Variants in ZNF571 observed in about 807,000 individuals in gnomAD.
The protein encoded by ZNF571 is zinc finger protein 571.
Under a neutral mutation model 7.7 loss-of-function variants are expected in ZNF571, and 4 were observed. That is an observed-to-expected ratio of 0.52 (90% CI 0.25 to 1.18). ZNF571 has a LOEUF of 1.18. ZNF571 is among the 50% of genes most tolerant of loss of function. The probability of loss-of-function intolerance (pLI) is 0.14; values close to 1 mark genes in which losing one functional copy is unlikely to be tolerated. For synonymous variants in ZNF571, 251 were observed against 232.4 expected, an observed-to-expected ratio of 1.08 and a Z score of -0.73; for missense variants, 704 against 726.9, an observed-to-expected ratio of 0.97 and a Z score of 0.36.
chr19:37,588,895 T>G (rs1270039617), intron 1 of ZNF571, among the ~76,000 whole-genome samples: 1 of 151,980 alleles, frequency 6.6e-6, no homozygotes, highest in Non-Finnish European at 1.5e-5. Context: ...ATATAAGATA[T>G]CTAAATATTA....
At chr19:37,566,804 A>G (rs1351852655) in intron 3 of ZNF571, among the ~76,000 whole-genome samples, 1 of 152,180 alleles carries the variant, frequency 6.6e-6, no homozygotes, top group African/African-American at 2.4e-5. Context: ...TGTGGTTTAT[A>G]TAACATGATT....
chr19:37,593,600 G>A (rs926896782), intron 1 of ZNF571, among the ~76,000 whole-genome samples: 12 of 152,152 alleles, frequency 7.9e-5, no homozygotes, highest in African/African-American at 2.9e-4. Context: ...CTACTCGGGA[G>A]GCTTAGGCAG....
chr19:37,580,559 G>A (rs1331969717), intron 3 of ZNF571, among the ~76,000 whole-genome samples: 1 of 152,172 alleles, frequency 6.6e-6, no homozygotes, highest in Non-Finnish European at 1.5e-5. Context: ...TTGAAATTTA[G>A]TCCCCAGTAT....
Position 37,564,814 on chromosome 19 carries a change from A to C in ZNF571, c.1614T>G (p.Ala538=). The change falls in exon 4 of 4, where the codon GCT becomes GCG. Residue 538 remains alanine, a synonymous_variant. Coordinates refer to ENST00000451802, the MANE Select transcript of ZNF571 (RefSeq NM_016536.5). ...CAGTAAGGTGTGAGCCACGAATAAA[A>C]GCCTTCCCACACTGTTTACATTCAT... ...KPYECKQCGK[A]FIRGSHLTEH... is the part of the protein sequence containing the mutation. The C allele has an allele frequency of 6.2e-7, 1 of 1,613,636 alleles. No individual in the cohort carries two copies. The highest frequency in any genetic ancestry group is 8.5e-7 in the Non-Finnish European group (1 of 1,179,818).
chr19:37,564,697 T>G lies in ZNF571; in HGVS notation c.1731A>C (p.Gln577His). Reference sequence around the variant, plus strand: ...AGGGTTTCTCACCAGTATGGATCCTTTGATGCAGAGTAAGTTCTGAGCCAC... The same window carrying G: ...AGGGTTTCTCACCAGTATGGATCCTGTGATGCAGAGTAAGTTCTGAGCCAC... ...FSRGSELTLH[Q>H]RIHTGEKPYT... Residue 577 changes from glutamine (Q) to histidine (H), a missense_variant, in exon 4 of 4, where the codon CAA (glutamine) becomes CAC (histidine). Coordinates refer to ENST00000451802, the MANE Select transcript of ZNF571 (RefSeq NM_016536.5). 6.2e-7 allele frequency: 1 copy of G among 1,613,532 alleles called. No individual in the cohort carries two copies. The highest frequency in any genetic ancestry group is 8.5e-7 in the Non-Finnish European group (1 of 1,179,636).
chr19:37,565,868 C>A lies in ZNF571; in HGVS notation c.560G>T (p.Arg187Ile). 2.5e-6 allele frequency: 4 copies of A among 1,613,894 alleles called. No homozygotes were observed. Among genetic ancestry groups the A allele is most frequent in the Non-Finnish European group, 3.4e-6 (4 of 1,179,882 alleles). Residue 187 changes from arginine to isoleucine, a missense_variant, in exon 4 of 4, where the codon AGA becomes ATA. Transcript: ENST00000451802. ...ATAAGGTTTCTCACCAGTCTGAATTCTCTGATGTTGAATATAGCTTGGCTT... is the reference window on the plus strand; with the variant it reads ...ATAAGGTTTCTCACCAGTCTGAATTATCTGATGTTGAATATAGCTTGGCTT... ...SKKPSYIQHQ[R>I]IQTGEKPYEC...
chr19:37,578,762 A>ACCT (rs2043338153), intron 3 of ZNF571, among the ~76,000 whole-genome samples: 1 of 151,700 alleles, frequency 6.6e-6, no homozygotes, highest in African/African-American at 2.4e-5. Context: ...CCCCTGCCCT[A>ACCT]CCTCCTCTGA....
At chr19:37,590,869 C>T (rs1402588104) in intron 1 of ZNF571, among the ~76,000 whole-genome samples, 1 of 151,996 alleles carries the variant, frequency 6.6e-6, no homozygotes, top group Non-Finnish European at 1.5e-5. Context: ...AACATAAAAA[C>T]CAAAAGAAAT....
intron 3 of ZNF571, 35 bp downstream of exon 3, chr19:37,583,936 G>A (rs1159499514): frequency 1.9e-6 from 3 of 1,556,700 alleles, no homozygotes; most frequent in African/African-American, 1.4e-5. Flanking sequence ...AAATTATGGG[G>A]AACAAATTCT....
Position 37,564,545 on chromosome 19 carries a change from T to C in ZNF571, c.*53A>G. ...GAAGCAAGATGTTCTACATTCATTA[T>C]AGATATGAAATAGATGAAGATTTTC... is the stretch of plus-strand genomic sequence containing the variant. On this transcript the variant is annotated 3_prime_UTR_variant, in exon 4 of 4. Transcript: ENST00000451802. The C allele has an allele frequency of 1.4e-6, 2 of 1,432,450 alleles. No homozygotes were observed. The highest frequency in any genetic ancestry group is 1.7e-5 in the South Asian group (1 of 57,382). 88.7% of individuals were successfully genotyped at this position (1,432,450 alleles called of 1,614,324 possible).
rs771835630 is a variant in ZNF571 at position 37,564,692 on chromosome 19, A to G, written c.1736T>C (p.Ile579Thr). ...TGTATAGGGTTTCTCACCAGTATGG[A>G]TCCTTTGATGCAGAGTAAGTTCTGA... ...RGSELTLHQR[I>T]HTGEKPYTCV... Residue 579 changes from isoleucine to threonine, a missense_variant, in exon 4 of 4, where the codon ATC becomes ACC. Coordinates refer to ENST00000451802, the MANE Select transcript of ZNF571 (RefSeq NM_016536.5). 6.2e-7 allele frequency: 1 copy of G among 1,613,550 alleles called. No individual in the cohort carries two copies.
At position 37,568,117 on chromosome 19, in the gene ZNF571, T is replaced by TG. The variant is rs142396290; in HGVS notation, c.137-1827dup. Among the ~76,000 whole-genome samples, 240 of 152,286 alleles carry TG rather than the reference T, an allele frequency of 1.6e-3. 2 individuals are homozygous for TG. In the East Asian group the frequency reaches 0.024, roughly 15 times the overall value. Reference sequence around the variant, plus strand: ...CTTTTCAAATGCAGAGAAACCTATCTGATGTAACTGGATCAGCAGGCACAG... The same window carrying TG: ...CTTTTCAAATGCAGAGAAACCTATCTGGATGTAACTGGATCAGCAGGCACAG... On this transcript the variant is annotated intron_variant, in intron 3 of 3. Transcript: ENST00000451802.
intron 3 of ZNF571, among the ~76,000 whole-genome samples, chr19:37,571,090 A>G (rs2043033894): frequency 6.6e-6 from 1 of 152,210 alleles, no homozygotes; most frequent in South Asian, 2.1e-4. Flanking sequence ...ATTCATCTGT[A>G]GCTCATACAG....
intron 3 of ZNF571, among the ~76,000 whole-genome samples, chr19:37,578,536 AGC>A (rs2043326788): frequency 6.6e-6 from 1 of 152,164 alleles, no homozygotes; most frequent in African/African-American, 2.4e-5. Flanking sequence ...CGGATCCCTG[AGC>A]AGCTTGGTGC....
chr19:37,579,310 T>A (rs2043361213), intron 3 of ZNF571, among the ~76,000 whole-genome samples: 1 of 152,158 alleles, frequency 6.6e-6, no homozygotes, highest in African/African-American at 2.4e-5. Flanking sequence ...ACTGGGGAAC[T>A]ACTTGCCCCA....
intron 3 of ZNF571, among the ~76,000 whole-genome samples, chr19:37,574,489 TA>T (rs1020786270): frequency 6.6e-6 from 1 of 152,216 alleles, no homozygotes; most frequent in African/African-American, 2.4e-5. Context: ...CCACTCTACC[TA>T]AAACTCTTAG....
At position 37,593,689 on chromosome 19, in the gene ZNF571, C is replaced by T. The variant is rs550243695; in HGVS notation, c.-70+1052G>A. 1.1e-4 allele frequency among the ~76,000 whole-genome samples: 16 copies of T among 152,058 alleles called. 1 individual carries two copies. Among genetic ancestry groups the T allele is most frequent in the South Asian group, 4.2e-4 (2 of 4,818 alleles). Reference sequence around the variant, plus strand: ...CCGCACTCCAGCCAGGGCGACACAGCGAGAATCCGTCTCAAAAAGCAAACA... The same window carrying T: ...CCGCACTCCAGCCAGGGCGACACAGTGAGAATCCGTCTCAAAAAGCAAACA... On this transcript the variant is annotated intron_variant, in intron 1 of 3. Coordinates refer to ENST00000451802, the MANE Select transcript of ZNF571 (RefSeq NM_016536.5).
At chr19:37,583,805 G>T in intron 3 of ZNF571, 166 bp downstream of exon 3, 2 of 605,384 alleles carry the variant, frequency 3.3e-6, no homozygotes, top group Non-Finnish European at 5.6e-6. Flanking sequence ...AGAGAAAGAT[G>T]TGACAGTCTA....
chr19:37,579,497 T>TTCCC (rs2043369798), intron 3 of ZNF571, among the ~76,000 whole-genome samples: 1 of 152,194 alleles, frequency 6.6e-6, no homozygotes, highest in Non-Finnish European at 1.5e-5. Context: ...GGGGAAAGGA[T>TTCCC]TCCCTATTCA....
Sources: gnomAD v4.1 joint callset for allele counts (sites outside exome capture counted in the v4.1 genomes callset) on GRCh38, gnomAD v4.1.1 for gene constraint, MANE v1.5 for transcripts, NCBI Gene and HGNC (gene_info 2026-07-23, HGNC 2026-07-21) for gene names.